NEK3: variants seen among roughly 807,000 people sequenced by gnomAD.
The protein encoded by NEK3 is NIMA related kinase 3.
Under a neutral mutation model 66.0 loss-of-function variants are expected in NEK3, and 54 were observed. The observed-to-expected ratio is 0.82, with a 90% CI of 0.66 to 1.03. The LOEUF (loss-of-function observed/expected upper bound fraction) is 1.03, where lower values mean the gene tolerates loss of function less well. Among genes scored for constraint, NEK3 ranks in the 50% least tolerant of loss-of-function variants. NEK3 has a pLI of 0.00. For synonymous variants in NEK3, 200 were observed against 206.2 expected, an observed-to-expected ratio of 0.97 and a Z score of 0.26; for missense variants, 593 against 603.0, an observed-to-expected ratio of 0.98 and a Z score of 0.17.
intron 7 of NEK3, among the ~76,000 whole-genome samples, chr13:52,150,199 G>A (rs1956331413): frequency 6.6e-6 from 1 of 152,082 alleles, no homozygotes; most frequent in Admixed American, 6.6e-5. Flanking sequence ...CTCCTCCTAG[G>A]AATCCATGCC....
At chr13:52,136,312 T>A (rs1214719098) in intron 12 of NEK3, 53 bp from the exon 13 acceptor site, 1 of 1,580,058 alleles carries the variant, frequency 6.3e-7, no homozygotes, top group South Asian at 1.1e-5. Context: ...TATGTATCCA[T>A]CTCTGTCCAC....
chr13:52,150,459 G>T (rs1009839599), intron 7 of NEK3, among the ~76,000 whole-genome samples: 6 of 152,068 alleles, frequency 3.9e-5, no homozygotes, highest in Admixed American at 2.0e-4. Context: ...CAGTTTTAGG[G>T]GGAAAAGTAA....
Position 52,155,150 on chromosome 13 carries a change from T to C in NEK3, c.117+925A>G, listed in dbSNP as rs796225026. ...TTTTAACAAGCCCTCCAGATGATTA[T>C]GATGCTCACTCAAGTTTGAAAATCA... is the stretch of plus-strand genomic sequence containing the variant. On this transcript the variant is annotated intron_variant, in intron 2 of 15. Coordinates refer to ENST00000610828, the MANE Select transcript of NEK3 (RefSeq NM_002498.3). Among the ~76,000 whole-genome samples, 7 of 152,126 alleles carry C rather than the reference T, an allele frequency of 4.6e-5. No individual in the cohort carries two copies. The South Asian group carries it at 1.2e-3, about 27-fold the overall frequency.
chr13:52,158,830 C>T (rs746068180), intron 1 of NEK3, among the ~76,000 whole-genome samples: 1 of 152,164 alleles, frequency 6.6e-6, no homozygotes, highest in Admixed American at 6.5e-5. Context: ...ATAAGTAATG[C>T]GAGAAATCTA....
chr13:52,153,830 A>T, intron 4 of NEK3, 65 bp downstream of exon 4: 1 of 1,055,018 alleles, frequency 9.5e-7, no homozygotes, highest in South Asian at 1.3e-5. Context: ...ATTTTAACTT[A>T]TATAAAGTTT....
chr13:52,159,508 T>C (rs954018422), intron 1 of NEK3, 35 bp downstream of exon 1: 2 of 152,316 alleles, frequency 1.3e-5, no homozygotes, highest in African/African-American at 4.8e-5. Context: ...CCCTCCTCGT[T>C]CTAGAGGCAG....
intron 11 of NEK3, among the ~76,000 whole-genome samples, chr13:52,138,040 A>T (rs1483271622): frequency 6.6e-6 from 1 of 152,198 alleles, no homozygotes; most frequent in Non-Finnish European, 1.5e-5. Flanking sequence ...TTTCTTTTTG[A>T]GACAGAGTCT....
chr13:52,159,443 C>T (rs1956425608), intron 1 of NEK3, 100 bp downstream of exon 1: 1 of 146,360 alleles, frequency 6.8e-6, no homozygotes, highest in African/African-American at 2.8e-5. Flanking sequence ...GGCCGCGCGT[C>T]CGGGGCGCGT....
Position 52,135,794 on chromosome 13 carries a change from A to G in NEK3, c.1244T>C (p.Leu415Ser), listed in dbSNP as rs1165677889. 11 of 1,613,670 alleles carry G rather than the reference A, an allele frequency of 6.8e-6. No individual in the cohort carries two copies. The highest frequency in any genetic ancestry group is 1.3e-5 in the African/African-American group (1 of 74,936). The change falls in exon 14 of 16, where the codon TTG (leucine) becomes TCG (serine). Residue 415 changes from leucine (L) to serine (S), a missense_variant. By Grantham distance (145) the Leu-to-Ser change is moderately radical. Coordinates refer to ENST00000610828, the MANE Select transcript of NEK3 (RefSeq NM_002498.3). ...ATCAGCATTCTTAAGGATGTTCAAC[A>G]AAGTGTCAGGGGTCTCTTTGAGCCA... ...KQWLKETPDT[L>S]LNILKNADLS...
Position 52,141,012 on chromosome 13 carries a change from GC to G in NEK3, c.927+7del. ...CCGGCCTCATAAAAGTAATTTTAAA[GC>G]ACTTACCACTGTGCTTGCTTCATTT... On this transcript the variant is annotated splice_region_variant and intron_variant, in intron 11 of 15. Transcript: ENST00000610828. 3 of 1,586,274 alleles carry G rather than the reference GC, an allele frequency of 1.9e-6. No homozygotes were observed. Among genetic ancestry groups the G allele is most frequent in the Non-Finnish European group, 2.6e-6 (3 of 1,165,876 alleles).
At position 52,132,924 on chromosome 13, in the gene NEK3, T is replaced by C; in HGVS notation, c.*218A>G. The C allele has an allele frequency of 2.0e-6, 1 of 501,658 alleles. No individual in the cohort carries two copies. The highest frequency in any genetic ancestry group is 3.6e-6 in the Non-Finnish European group (1 of 280,170). The allele number at this position is 501,658 out of a possible 1,614,324, so 31.1% of individuals were successfully genotyped here. On this transcript the variant is annotated 3_prime_UTR_variant, in exon 16 of 16. Transcript: ENST00000610828. ...CTGCAAAGCCCGATGCTCACACTCA[T>C]TCCACTATACCTTCTCCCTTGAGTT...
intron 5 of NEK3, among the ~76,000 whole-genome samples, chr13:52,152,167 C>A (rs892623864): frequency 2.0e-5 from 3 of 152,122 alleles, no homozygotes; most frequent in African/African-American, 7.2e-5. Flanking sequence ...AATATTAAGT[C>A]AAAGGGTACA....
intron 14 of NEK3, 130 bp downstream of exon 14, chr13:52,135,599 A>G: frequency 1.4e-6 from 1 of 699,226 alleles, no homozygotes; most frequent in Non-Finnish European, 2.2e-6. Flanking sequence ...CTGTACAACA[A>G]TGTGACGTAC....
chr13:52,154,113 G>A lies in NEK3; in HGVS notation c.178C>T (p.Pro60Ser), dbSNP rs567906582. Residue 60 changes from proline to serine, a missense_variant, in exon 3 of 16, where the codon CCT (proline) becomes TCT (serine). Pro to Ser is a moderately conservative substitution (Grantham distance 74). Transcript: ENST00000610828. ...GATTCTTTGAAGGCAACAATATTAG[G>A]GTGTTTCATTTTGGCTAAAAGAACA... ...EAVLLAKMKH[P>S]NIVAFKESFE... 6.2e-7 allele frequency: 1 copy of A among 1,611,978 alleles called. No homozygotes were observed. The highest frequency in any genetic ancestry group is 1.3e-5 in the African/African-American group (1 of 74,922).
intron 10 of NEK3, among the ~76,000 whole-genome samples, chr13:52,141,414 G>A (rs553469611): frequency 1.2e-4 from 19 of 152,222 alleles, no homozygotes; most frequent in Non-Finnish European, 1.8e-4. Context: ...AGTGGAGTCC[G>A]TGCTTTTCCT....
chr13:52,140,372 G>A (rs2138194226), intron 11 of NEK3, among the ~76,000 whole-genome samples: 1 of 152,272 alleles, frequency 6.6e-6, no homozygotes, highest in East Asian at 1.9e-4. Context: ...ACTTTGGGAG[G>A]CTGAGATGGG....
In NEK3 at chr13:52,156,108, C is replaced by G. The variant is rs1270054869; in HGVS notation, c.84G>C (p.Gln28His). 3 of 1,606,832 alleles carry G rather than the reference C, an allele frequency of 1.9e-6. No individual in the cohort carries two copies. The highest frequency in any genetic ancestry group is 1.1e-5 in the South Asian group (1 of 89,330). Residue 28 changes from glutamine to histidine, a missense_variant, in exon 2 of 16, where the codon CAG becomes CAC. By Grantham distance (24) the Gln-to-His change is conservative. Transcript: ENST00000610828. The stretch of plus-strand genomic sequence containing the variant: ...GCCTTATTTCTTTCATGGCAAACAT[C>G]TGATTACTGCTTTCATGCTGAACCA... Reference protein sequence around the residue: ...ALLVQHESSNQMFAMKEIRLP... With the variant: ...ALLVQHESSNHMFAMKEIRLP...
intron 8 of NEK3, among the ~76,000 whole-genome samples, chr13:52,147,694 G>A (rs768942124): frequency 5.1e-4 from 78 of 152,242 alleles, no homozygotes; most frequent in Non-Finnish European, 7.9e-4. Context: ...AGTAGTGGCC[G>A]GGCATAGTGG....
chr13:52,133,645 A>ACC lies in NEK3; in HGVS notation c.1436+42_1436+43dup, dbSNP rs1555319866. On this transcript the variant is annotated intron_variant, in intron 15 of 15. Transcript: ENST00000610828. ...CACACACACACACACACACACACAC[A>ACC]CCCCCAACCCCAGCTACAGCTTTCT... 5.0e-4 allele frequency: 769 copies of ACC among 1,539,460 alleles called. 3 individuals are homozygous for ACC. In the African/African-American group the frequency reaches 6.0e-3, roughly 12 times the overall value.
Sources: allele counts gnomAD v4.1 joint callset (sites outside exome capture counted in the v4.1 genomes callset), GRCh38; gene constraint gnomAD v4.1.1; transcripts MANE v1.5; gene names NCBI Gene and HGNC (gene_info 2026-07-23, HGNC 2026-07-21).